The following PLCB1 variants were observed in gnomAD, a reference collection of about 807,000 sequenced individuals.
PLCB1 encodes the protein 1-phosphatidylinositol 4,5-bisphosphate phosphodiesterase beta-1.
In PLCB1, 46 loss-of-function variants were observed where a neutral mutation model predicts 161.8. The observed-to-expected ratio is 0.28, with a 90% CI of 0.22 to 0.36. The LOEUF (loss-of-function observed/expected upper bound fraction) is 0.36. Among genes scored for constraint, PLCB1 ranks in the 10% least tolerant of loss-of-function variants. PLCB1 has a pLI of 1.00. For synonymous variants in PLCB1, 517 were observed against 503.7 expected, an observed-to-expected ratio of 1.03 and a Z score of -0.35; for missense variants, 1,016 against 1,472.5, an observed-to-expected ratio of 0.69 and a Z score of 5.07.
chr20:8,827,882 A>T (rs1256584506), intron 31 of PLCB1, among the ~76,000 whole-genome samples: 2 of 152,248 alleles, frequency 1.3e-5, no homozygotes, highest in African/African-American at 4.8e-5. Context: ...GCATTCTGTT[A>T]TGCATTGTCT....
At chr20:8,505,965 A>C (rs1189676760) in intron 3 of PLCB1, among the ~76,000 whole-genome samples, 1 of 152,216 alleles carries the variant, frequency 6.6e-6, no homozygotes, top group African/African-American at 2.4e-5. Flanking sequence ...TGTTCTTGGC[A>C]TAACAGTAGA....
intron 31 of PLCB1, among the ~76,000 whole-genome samples, chr20:8,825,541 A>G (rs1220328768): frequency 1.3e-5 from 2 of 152,226 alleles, no homozygotes; most frequent in South Asian, 4.1e-4. Flanking sequence ...CTGAAGAGTC[A>G]TGGTAGATAG....
At chr20:8,754,805 T>C (rs7261061) in intron 23 of PLCB1, among the ~76,000 whole-genome samples, 2 of 152,046 alleles carry the variant, frequency 1.3e-5, no homozygotes, top group Non-Finnish European at 2.9e-5. Context: ...AAGATCACCT[T>C]AATTAAAAGA....
At chr20:8,172,710 C>A (rs562056377) in intron 2 of PLCB1, among the ~76,000 whole-genome samples, 1 of 152,240 alleles carries the variant, frequency 6.6e-6, no homozygotes, top group African/African-American at 2.4e-5. Flanking sequence ...TGGACCTGAA[C>A]ATTTTTCTTT....
At chr20:8,550,393 C>T (rs1985733329) in intron 3 of PLCB1, among the ~76,000 whole-genome samples, 1 of 152,050 alleles carries the variant, frequency 6.6e-6, no homozygotes, top group African/African-American at 2.4e-5. Flanking sequence ...GGGTGGCTTC[C>T]CCCGTGTTGT....
chr20:8,670,444 C>T (rs565363449), intron 9 of PLCB1, among the ~76,000 whole-genome samples: 2 of 152,268 alleles, frequency 1.3e-5, no homozygotes, highest in East Asian at 1.9e-4. Flanking sequence ...GTGAGCACTG[C>T]GTGAAGAGCT....
intron 26 of PLCB1, among the ~76,000 whole-genome samples, chr20:8,767,788 G>A (rs998283849): frequency 6.6e-6 from 1 of 152,188 alleles, no homozygotes; most frequent in Non-Finnish European, 1.5e-5. Flanking sequence ...GGGCATATGT[G>A]TCATATCAGT....
chr20:8,672,418 G>A (rs1269962074), intron 9 of PLCB1, among the ~76,000 whole-genome samples: 1 of 104,638 alleles, frequency 9.6e-6, no homozygotes, highest in Middle Eastern at 6.3e-3. Flanking sequence ...TTTTTTTTTA[G>A]TACTGCATGT....
chr20:8,545,568 A>G (rs1371350506), intron 3 of PLCB1, among the ~76,000 whole-genome samples: 5 of 152,212 alleles, frequency 3.3e-5, no homozygotes, highest in African/African-American at 4.8e-5. Flanking sequence ...CAACTAGTGT[A>G]GTAGATTATA....
At chr20:8,400,231 G>A (rs1011710924) in intron 3 of PLCB1, among the ~76,000 whole-genome samples, 1 of 152,146 alleles carries the variant, frequency 6.6e-6, no homozygotes, top group African/African-American at 2.4e-5. Context: ...CTTCCTCTTA[G>A]AAAGATATTT....
At chr20:8,489,511 TC>T (rs1982861133) in intron 3 of PLCB1, among the ~76,000 whole-genome samples, 1 of 152,244 alleles carries the variant, frequency 6.6e-6, no homozygotes, top group African/African-American at 2.4e-5. Flanking sequence ...ACACCTTTTT[TC>T]CGCCTTCTTC....
At chr20:8,244,983 AG>A (rs944842760) in intron 2 of PLCB1, among the ~76,000 whole-genome samples, 45 of 139,170 alleles carry the variant, frequency 3.2e-4, no homozygotes, top group African/African-American at 1.3e-3. Context: ...TCTATTTTGG[AG>A]GGGGGGATGT....
chr20:8,308,001 G>A (rs1308960497), intron 2 of PLCB1, among the ~76,000 whole-genome samples: 1 of 151,922 alleles, frequency 6.6e-6, no homozygotes, highest in African/African-American at 2.4e-5. Context: ...AGAGCTATTT[G>A]TTGTCTGCAT....
At chr20:8,657,992 C>T (rs1333715303) in intron 8 of PLCB1, among the ~76,000 whole-genome samples, 2 of 152,086 alleles carry the variant, frequency 1.3e-5, no homozygotes, top group African/African-American at 2.4e-5. Flanking sequence ...ATTTACTGAA[C>T]ATCTGCAACA....
chr20:8,357,652 A>G (rs988393506), intron 2 of PLCB1, among the ~76,000 whole-genome samples: 1 of 152,158 alleles, frequency 6.6e-6, no homozygotes, highest in Non-Finnish European at 1.5e-5. Flanking sequence ...CCTTGTCTTT[A>G]CAAAATAAAA....
At chr20:8,252,872 T>C (rs184267273) in intron 2 of PLCB1, among the ~76,000 whole-genome samples, 18 of 152,132 alleles carry the variant, frequency 1.2e-4, no homozygotes, top group African/African-American at 4.1e-4. Flanking sequence ...AAATGGTTTC[T>C]GTGGTGCCAT....
At chr20:8,193,614 C>T (rs1192106879) in intron 2 of PLCB1, among the ~76,000 whole-genome samples, 1 of 151,928 alleles carries the variant, frequency 6.6e-6, no homozygotes, top group African/African-American at 2.4e-5. Flanking sequence ...GTGTGAAAGT[C>T]TTCACTCTGT....
At chr20:8,782,200 A>G (rs1983275922) in intron 27 of PLCB1, among the ~76,000 whole-genome samples, 1 of 152,176 alleles carries the variant, frequency 6.6e-6, no homozygotes, top group South Asian at 2.1e-4. Context: ...TTTTTTGTCC[A>G]AGACTTTCTC....
At chr20:8,727,582 G>A (rs1338623456) in intron 17 of PLCB1, among the ~76,000 whole-genome samples, 189 bp downstream of exon 17, 3 of 152,016 alleles carry the variant, frequency 2.0e-5, no homozygotes, top group African/African-American at 7.2e-5. Context: ...ACAAAAAACT[G>A]GTCTTGGAAT....
Sources: gnomAD v4.1 joint callset for allele counts (sites outside exome capture counted in the v4.1 genomes callset) on GRCh38, gnomAD v4.1.1 for gene constraint, MANE v1.5 for transcripts, NCBI Gene and HGNC (gene_info 2026-07-23, HGNC 2026-07-21) for gene names.